Variants in DENND1A observed in about 807,000 individuals in gnomAD.
The protein encoded by DENND1A is DENN domain-containing protein 1A.
Under a neutral mutation model 113.7 loss-of-function variants are expected in DENND1A, and 51 were observed. That is an observed-to-expected ratio of 0.45 (90% CI 0.36 to 0.57). The LOEUF is 0.57. Among genes scored for constraint, DENND1A ranks in the 20% least tolerant of loss-of-function variants. The probability of loss-of-function intolerance (pLI) is 0.00; values close to 1 mark genes in which losing one functional copy is unlikely to be tolerated. For missense variants in DENND1A, 1,258 were observed against 1,395.9 expected (o/e 0.90, Z 1.57); for synonymous variants, 565 against 570.8 (o/e 0.99, Z 0.14).
At chr9:123,499,862 A>C (rs1167251998) in intron 13 of DENND1A, among the ~76,000 whole-genome samples, 1 of 152,148 alleles carries the variant, frequency 6.6e-6, no homozygotes, top group East Asian at 1.9e-4. Flanking sequence ...CTACCTGTCT[A>C]TGCGCACCTG....
intron 21 of DENND1A, among the ~76,000 whole-genome samples, chr9:123,388,513 C>T (rs539663625): frequency 2.0e-5 from 3 of 152,270 alleles, no homozygotes; most frequent in East Asian, 1.9e-4. Context: ...GTGAGCCGTG[C>T]GGAAGAGCTC....
intron 13 of DENND1A, among the ~76,000 whole-genome samples, chr9:123,523,741 T>C (rs1185834971): frequency 6.6e-6 from 1 of 152,196 alleles, no homozygotes; most frequent in African/African-American, 2.4e-5. Context: ...GAAATGAGAA[T>C]ATGATTCCAA....
At chr9:123,884,769 TCA>T (rs1448334039) in intron 1 of DENND1A, among the ~76,000 whole-genome samples, 1 of 151,986 alleles carries the variant, frequency 6.6e-6, no homozygotes, top group Admixed American at 6.6e-5. Flanking sequence ...ACACTGAAGC[TCA>T]CAGAGAATAA....
At chr9:123,509,784 C>G (rs1322946758) in intron 13 of DENND1A, among the ~76,000 whole-genome samples, 1 of 152,200 alleles carries the variant, frequency 6.6e-6, no homozygotes, top group Non-Finnish European at 1.5e-5. Context: ...AAACTCCACA[C>G]TCCAATCCTG....
chr9:123,470,222 C>T (rs569593330), intron 13 of DENND1A, among the ~76,000 whole-genome samples: 76 of 152,268 alleles, frequency 5.0e-4, no homozygotes, highest in Non-Finnish European at 8.2e-4. Flanking sequence ...GCAGCGGTGG[C>T]GCAAGGTGAG....
chr9:123,391,447 C>T (rs1395999067), intron 21 of DENND1A, among the ~76,000 whole-genome samples: 2 of 152,174 alleles, frequency 1.3e-5, no homozygotes, highest in African/African-American at 2.4e-5. Flanking sequence ...GTAGCCAAGG[C>T]TCAGAGAGGG....
intron 13 of DENND1A, among the ~76,000 whole-genome samples, chr9:123,554,917 T>C (rs1210550918): frequency 6.6e-6 from 1 of 152,232 alleles, no homozygotes. Context: ...GAATATTACA[T>C]AGCCATTAAA....
chr9:123,729,798 C>T (rs1037040189), intron 5 of DENND1A, among the ~76,000 whole-genome samples: 11 of 152,148 alleles, frequency 7.2e-5, no homozygotes, highest in African/African-American at 2.4e-4. Flanking sequence ...CCTGCATAGC[C>T]AAGACAATCC....
intron 2 of DENND1A, among the ~76,000 whole-genome samples, chr9:123,867,647 A>AT (rs1258798460): frequency 6.6e-6 from 1 of 151,850 alleles, no homozygotes; most frequent in Non-Finnish European, 1.5e-5. Context: ...ATAGCACCAG[A>AT]TTTTCCTCTG....
intron 2 of DENND1A, among the ~76,000 whole-genome samples, chr9:123,870,903 GA>G (rs1846495923): frequency 6.6e-6 from 1 of 152,088 alleles, no homozygotes; most frequent in African/African-American, 2.4e-5. Context: ...AGGACTCAAG[GA>G]AAGTTAGCTA....
chr9:123,574,501 T>G (rs757533194), intron 12 of DENND1A, among the ~76,000 whole-genome samples: 7 of 152,220 alleles, frequency 4.6e-5, no homozygotes, highest in Non-Finnish European at 7.4e-5. Context: ...AAGTTATTCA[T>G]AATACTCCCT....
intron 3 of DENND1A, among the ~76,000 whole-genome samples, chr9:123,788,494 TAAGTA>T (rs1353512564): frequency 2.0e-5 from 3 of 152,266 alleles, no homozygotes; most frequent in Middle Eastern, 3.4e-3. Flanking sequence ...CTAATCACAA[TAAGTA>T]AAGTTTTACC....
chr9:123,750,067 G>A (rs181392342), intron 5 of DENND1A, among the ~76,000 whole-genome samples: 1 of 152,336 alleles, frequency 6.6e-6, no homozygotes, highest in Admixed American at 6.5e-5. Context: ...GCAGTGGACA[G>A]CCTGAGGCTG....
In DENND1A at chr9:123,585,794, A is replaced by G. The variant is rs112264912; in HGVS notation, c.766-2524T>C. 3.5e-4 allele frequency among the ~76,000 whole-genome samples: 54 copies of G among 152,284 alleles called. 1 individual carries two copies. The highest frequency in any genetic ancestry group is 9.9e-4 in the African/African-American group (41 of 41,544). ...TCCAAGAAGTAGCTTGCCCAAGGTT[A>G]TGTGTCTATTAAATGGCTGCGTCTG... On this transcript the variant is annotated intron_variant, in intron 11 of 23. Coordinates refer to ENST00000394215, the MANE Select transcript of DENND1A (RefSeq NM_001352964.2).
intron 11 of DENND1A, among the ~76,000 whole-genome samples, chr9:123,588,632 A>AG (rs1291927512): frequency 2.9e-4 from 34 of 116,400 alleles, no homozygotes; most frequent in African/African-American, 4.0e-4. Context: ...AAAAAAAAAA[A>AG]AGGGGGGGGG....
chr9:123,641,882 C>T (rs1188055294), intron 9 of DENND1A, among the ~76,000 whole-genome samples: 2 of 152,128 alleles, frequency 1.3e-5, no homozygotes, highest in African/African-American at 4.8e-5. Flanking sequence ...GGAGATGGTG[C>T]CCAAGAACCT....
intron 2 of DENND1A, among the ~76,000 whole-genome samples, chr9:123,793,368 T>G (rs1833296998): frequency 6.6e-6 from 1 of 152,214 alleles, no homozygotes; most frequent in African/African-American, 2.4e-5. Flanking sequence ...CAATGCCATC[T>G]TCTGTAAGTC....
chr9:123,712,434 C>T (rs2066694611), intron 5 of DENND1A, among the ~76,000 whole-genome samples: 1 of 152,208 alleles, frequency 6.6e-6, no homozygotes, highest in Admixed American at 6.5e-5. Flanking sequence ...ATTATTTAAC[C>T]TCTTTGTGCT....
chr9:123,534,950 A>T (rs1270991632), intron 13 of DENND1A, among the ~76,000 whole-genome samples: 1 of 152,110 alleles, frequency 6.6e-6, no homozygotes, highest in African/African-American at 2.4e-5. Context: ...CCAAGGTGCT[A>T]CCTGGCCTTC....
Sources: gnomAD v4.1 joint callset for allele counts (sites outside exome capture counted in the v4.1 genomes callset) on GRCh38, gnomAD v4.1.1 for gene constraint, MANE v1.5 for transcripts, NCBI Gene and HGNC (gene_info 2026-07-23, HGNC 2026-07-21) for gene names.